Variants in CELSR1 observed in about 807,000 individuals in gnomAD.
The protein encoded by CELSR1 is cadherin EGF LAG seven-pass G-type receptor 1.
A neutral mutation model predicts 249.1 loss-of-function variants in CELSR1; 110 were observed. That is an observed-to-expected ratio of 0.44 (90% CI 0.38 to 0.52). CELSR1 has a LOEUF of 0.52. CELSR1 is among the 20% of genes least tolerant of loss of function. The probability of loss-of-function intolerance (pLI) is 0.00; values close to 1 mark genes in which losing one functional copy is unlikely to be tolerated. For synonymous variants in CELSR1, 2,113 were observed against 1,900.0 expected (o/e 1.11, Z -2.92); for missense variants, 4,109 against 4,296.4 (o/e 0.96, Z 1.22).
intron 1 of CELSR1, among the ~76,000 whole-genome samples, chr22:46,519,559 G>A (rs189893460): frequency 6.6e-6 from 1 of 152,340 alleles, no homozygotes; most frequent in Admixed American, 6.5e-5. Context: ...GAACCAGGCA[G>A]AGCCTGGGCA....
Position 46,372,974 on chromosome 22 carries a change from G to A in CELSR1, c.7668C>T (p.Val2556=). The A allele has an allele frequency of 2.5e-6, 4 of 1,613,408 alleles. No individual in the cohort carries two copies. Among genetic ancestry groups the A allele is most frequent in the Non-Finnish European group, 3.4e-6 (4 of 1,179,882 alleles). The change falls in exon 25 of 35, where the codon GTC becomes GTT. Residue 2556 remains valine, a synonymous_variant. Transcript: ENST00000674500. ...FAWTLVESLH[V]YRMLTEVRNI... Reference sequence around the variant, plus strand: ...TGCGCACCTCGGTCAGCATGCGGTAGACATGCAGGCTCTCCACGAGGGTCC... The same window carrying A: ...TGCGCACCTCGGTCAGCATGCGGTAAACATGCAGGCTCTCCACGAGGGTCC...
At chr22:46,514,529 G>A (rs2080606889) in intron 1 of CELSR1, among the ~76,000 whole-genome samples, 1 of 152,152 alleles carries the variant, frequency 6.6e-6, no homozygotes, top group Non-Finnish European at 1.5e-5. Context: ...GGGGCATGAA[G>A]GATGTGGCCT....
intron 1 of CELSR1, among the ~76,000 whole-genome samples, chr22:46,516,157 C>T (rs532485172): frequency 2.0e-5 from 3 of 152,262 alleles, no homozygotes; most frequent in South Asian, 4.1e-4. Context: ...CACATGCACA[C>T]GTATGTTTAT....
chr22:46,387,999 T>C (rs1271926159), intron 18 of CELSR1, among the ~76,000 whole-genome samples: 1 of 152,018 alleles, frequency 6.6e-6, no homozygotes, highest in African/African-American at 2.4e-5. Flanking sequence ...AGGGTCTGTG[T>C]GAAAGACTGG....
Position 46,429,127 on chromosome 22 carries a change from C to T in CELSR1, c.4611+4266G>A, listed in dbSNP as rs1329450068. The stretch of plus-strand genomic sequence containing the variant: ...CAGTGCAGCCCCGAGGATCCCCATC[C>T]TTCCAGACGGCCCCTCCCTAGCACT... On this transcript the variant is annotated intron_variant, in intron 5 of 34. Coordinates refer to ENST00000674500, the MANE Select transcript of CELSR1 (RefSeq NM_001378328.1). The surrounding 1 kb of genome is among the most constrained non-coding windows in gnomAD (Gnocchi z 4.1). Among the ~76,000 whole-genome samples the T allele has an allele frequency of 1.3e-5, 2 of 152,168 alleles. No homozygotes were observed. Among genetic ancestry groups the T allele is most frequent in the African/African-American group, 4.8e-5 (2 of 41,432 alleles).
chr22:46,455,041 G>A (rs1056320230), intron 2 of CELSR1, among the ~76,000 whole-genome samples: 3 of 152,176 alleles, frequency 2.0e-5, no homozygotes, highest in African/African-American at 4.8e-5. Flanking sequence ...AGACGTGCAC[G>A]GAAGAACACA....
chr22:46,531,051 G>C (rs909384036), intron 1 of CELSR1, among the ~76,000 whole-genome samples: 5 of 152,206 alleles, frequency 3.3e-5, no homozygotes, highest in Non-Finnish European at 7.3e-5. Context: ...GATAATTCAA[G>C]GGCTGATCTT....
intron 1 of CELSR1, among the ~76,000 whole-genome samples, chr22:46,465,615 CAA>C: frequency 6.6e-6 from 1 of 152,344 alleles, no homozygotes; most frequent in Non-Finnish European, 1.5e-5. Flanking sequence ...GGAAACGGAA[CAA>C]GAGCAGCAGG....
chr22:46,362,458 C>T lies in CELSR1; in HGVS notation c.*765G>A, dbSNP rs892207365. 8 of 152,544 alleles carry T rather than the reference C, an allele frequency of 5.2e-5. No individual in the cohort carries two copies. Among genetic ancestry groups the T allele is most frequent in the African/African-American group, 1.7e-4 (7 of 41,472 alleles). The allele number at this position is 152,544 out of a possible 1,614,324, so 9.4% of individuals were successfully genotyped here. The stretch of plus-strand genomic sequence containing the variant: ...CGGCGGGGAGGGCCCACACCATCCT[C>T]ACTTCCTGGCCGAAGGCAGCTGTAG... On this transcript the variant is annotated 3_prime_UTR_variant, in exon 35 of 35. Transcript: ENST00000674500.
intron 2 of CELSR1, among the ~76,000 whole-genome samples, chr22:46,456,221 G>A (rs1368753144): frequency 6.6e-6 from 1 of 152,238 alleles, no homozygotes; most frequent in African/African-American, 2.4e-5. Context: ...GTGCAACCCT[G>A]CGCTAAGCAG....
intron 22 of CELSR1, among the ~76,000 whole-genome samples, 156 bp from the exon 23 acceptor site, chr22:46,378,873 G>A (rs2078947837): frequency 6.6e-6 from 1 of 152,210 alleles, no homozygotes; most frequent in Non-Finnish European, 1.5e-5. Context: ...CGCCCTCGCA[G>A]GCTGCTCCCC....
At chr22:46,419,075 A>T (rs906667283) in intron 5 of CELSR1, among the ~76,000 whole-genome samples, 3 of 152,106 alleles carry the variant, frequency 2.0e-5, no homozygotes, top group African/African-American at 7.2e-5. Flanking sequence ...GCCCCCACTG[A>T]GCCAGACCCT....
chr22:46,525,027 G>C (rs1036658016), intron 1 of CELSR1, among the ~76,000 whole-genome samples: 3 of 152,160 alleles, frequency 2.0e-5, no homozygotes, highest in Non-Finnish European at 4.4e-5. Context: ...TCAGGACAGG[G>C]AAGCCCAGGG....
intron 1 of CELSR1, among the ~76,000 whole-genome samples, chr22:46,503,063 A>G (rs1290932297): frequency 6.6e-6 from 1 of 152,176 alleles, no homozygotes; most frequent in East Asian, 1.9e-4. Context: ...CCTCTGCAGC[A>G]GCTTTGTCCC....
intron 1 of CELSR1, among the ~76,000 whole-genome samples, chr22:46,531,587 A>C (rs2080792669): frequency 1.3e-5 from 2 of 152,208 alleles, no homozygotes; most frequent in South Asian, 4.1e-4. Context: ...CTCCAAAGGA[A>C]GAGAGGGGAA....
rs772486959 is a variant in CELSR1 at position 46,534,023 on chromosome 22, C to G, written c.3148G>C (p.Asp1050His). The change falls in exon 1 of 35, where the codon GAC becomes CAC. Residue 1050 changes from aspartate (D) to histidine (H), a missense_variant. Transcript: ENST00000674500. The surrounding 1 kb of genome is among the most constrained non-coding windows in gnomAD (Gnocchi z 9.7). ...EGDMRHFFQL[D>H]LLNGDLRAMV... The stretch of plus-strand genomic sequence containing the variant: ...GCACGCAGGTCCCCGTTGAGCAGGT[C>G]CAGCTGGAAGAAATGCCGCATGTCC... 2 of 1,613,720 alleles carry G rather than the reference C, an allele frequency of 1.2e-6. No homozygotes were observed. The highest frequency in any genetic ancestry group is 2.2e-5 in the South Asian group (2 of 91,088).
Position 46,398,506 on chromosome 22 carries a change from C to T in CELSR1, c.5526+18G>A, listed in dbSNP as rs376848831. 67 of 1,559,984 alleles carry T rather than the reference C, an allele frequency of 4.3e-5. No individual in the cohort carries two copies. In the African/African-American group the frequency reaches 7.3e-4, roughly 17 times the overall value. ...GTGAGGGGCAGGCCTCCCCCCGCCC[C>T]CCACAACCCCCACGCACCTGCATGC... On this transcript the variant is annotated intron_variant, in intron 11 of 34. Transcript: ENST00000674500. This position sits in a 1 kb window ranked among gnomAD's most constrained non-coding sequence, Gnocchi z 7.2.
Position 46,536,523 on chromosome 22 carries a change from C to T in CELSR1, c.648G>A (p.Pro216=). Residue 216 remains proline, a synonymous_variant, in exon 1 of 35, where the codon CCG becomes CCA. Transcript: ENST00000674500. ...CTTCGGGCAAGTTCGGCGGCAGGGG[C>T]GGCGATGGGGATGGCGACGCGGAGG... ...GTPSASPSPS[P]PLPPNLPEAR... The T allele has an allele frequency of 6.8e-7, 1 of 1,472,012 alleles. No individual in the cohort carries two copies. Among genetic ancestry groups the T allele is most frequent in the Non-Finnish European group, 9.0e-7 (1 of 1,117,286 alleles). 91.2% of individuals were successfully genotyped at this position (1,472,012 alleles called of 1,614,324 possible). A position where few individuals can be genotyped will look rare whatever the true frequency, so the allele number is the denominator to read the frequency against.
Position 46,366,406 on chromosome 22 carries a change from G to GATC in CELSR1, c.8279_8280insGAT (p.Ala2760_Ser2761insIle). On this transcript the variant is annotated inframe_insertion, in exon 30 of 35. Coordinates refer to ENST00000674500, the MANE Select transcript of CELSR1 (RefSeq NM_001378328.1). ...CTGACCTGACGATGCTGTCCAGCGA[G>GATC]GCGGTGGACTCGCCCAAGTCTGTGC... 6.5e-7 allele frequency: 1 copy of GATC among 1,549,850 alleles called. No homozygotes were observed. The highest frequency in any genetic ancestry group is 8.7e-7 in the Non-Finnish European group (1 of 1,146,512).
Sources: allele counts gnomAD v4.1 joint callset (sites outside exome capture counted in the v4.1 genomes callset), GRCh38; gene constraint gnomAD v4.1.1; non-coding constraint Gnocchi (gnomAD v3.1); transcripts MANE v1.5; gene names NCBI Gene and HGNC (gene_info 2026-07-23, HGNC 2026-07-21).